Variants in STK32B observed in about 807,000 individuals in gnomAD.
The protein encoded by STK32B is serine/threonine kinase 32B.
STK32B carries 43 observed loss-of-function variants against 52.6 expected under a neutral mutation model. That is an observed-to-expected ratio of 0.82 (90% CI 0.64 to 1.05). The LOEUF is 1.05. Ranked by LOEUF, STK32B falls within the 50% of genes least tolerant of loss-of-function variation. The pLI is 0.00. For missense variants in STK32B, 621 were observed against 534.6 expected (o/e 1.16, Z -1.59); for synonymous variants, 238 against 204.3 (o/e 1.17, Z -1.41).
chr4:5,159,541 G>GTA (rs1491489118), intron 2 of STK32B, among the ~76,000 whole-genome samples: 2 of 109,538 alleles, frequency 1.8e-5, no homozygotes, highest in Admixed American at 1.9e-4. Flanking sequence ...ATGTATATAT[G>GTA]TATATATATG....
chr4:5,243,771 G>A (rs1196858848), intron 3 of STK32B, among the ~76,000 whole-genome samples: 2 of 152,060 alleles, frequency 1.3e-5, no homozygotes, highest in Admixed American at 1.3e-4. Flanking sequence ...CTAATTTATT[G>A]AGAGTTTTTA....
intron 3 of STK32B, among the ~76,000 whole-genome samples, chr4:5,269,142 T>G (rs1727249289): frequency 6.6e-6 from 1 of 152,054 alleles, no homozygotes; most frequent in Non-Finnish European, 1.5e-5. Flanking sequence ...CCTCGAGAGA[T>G]ATGAAGAGGG....
chr4:5,108,391 C>T (rs1382877549), intron 1 of STK32B, among the ~76,000 whole-genome samples: 1 of 152,132 alleles, frequency 6.6e-6, no homozygotes, highest in East Asian at 1.9e-4. Context: ...ATTGCCAGGT[C>T]ACGTGTAAAT....
chr4:5,175,470 G>T (rs1719786768), intron 3 of STK32B, among the ~76,000 whole-genome samples: 2 of 152,178 alleles, frequency 1.3e-5, no homozygotes. Flanking sequence ...GTGATGTACA[G>T]ATGGGTTTTT....
intron 3 of STK32B, among the ~76,000 whole-genome samples, chr4:5,234,958 G>A (rs1225415884): frequency 1.3e-5 from 2 of 152,162 alleles, no homozygotes; most frequent in Non-Finnish European, 2.9e-5. Context: ...AGGAAAGGAG[G>A]TGCCCTTCCT....
chr4:5,279,447 C>T (rs1431869663), intron 3 of STK32B, among the ~76,000 whole-genome samples: 1 of 117,586 alleles, frequency 8.5e-6, no homozygotes, highest in Non-Finnish European at 1.5e-5. Flanking sequence ...TTTTGAGCAG[C>T]CTCTGGCTCT....
intron 3 of STK32B, among the ~76,000 whole-genome samples, chr4:5,256,712 T>C (rs34512925): frequency 0.12 from 18,765 of 152,200 alleles, 3,184 homozygotes; most frequent in African/African-American, 0.38. Flanking sequence ...TGAGTATCTC[T>C]CTGTGTGTTC....
At chr4:5,247,507 C>T (rs1483131531) in intron 3 of STK32B, among the ~76,000 whole-genome samples, 1 of 152,198 alleles carries the variant, frequency 6.6e-6, no homozygotes, top group African/African-American at 2.4e-5. Context: ...AATTCCCTGA[C>T]CCCTTGCACT....
At position 5,176,258 on chromosome 4, in the gene STK32B, C is replaced by T. The variant is rs560335808; in HGVS notation, c.260+7808C>T. 4.6e-5 allele frequency among the ~76,000 whole-genome samples: 7 copies of T among 152,194 alleles called. No individual in the cohort carries two copies. In the South Asian group the frequency reaches 8.3e-4, roughly 18 times the overall value. Reference sequence around the variant, plus strand: ...GACCCGTTGCACTTCCCAGGTGAGGCGATGCCTCGCCCTGCTTTGGTTCAC... The same window carrying T: ...GACCCGTTGCACTTCCCAGGTGAGGTGATGCCTCGCCCTGCTTTGGTTCAC... On this transcript the variant is annotated intron_variant, in intron 3 of 11. Transcript: ENST00000282908.
At chr4:5,251,494 G>A (rs1725925467) in intron 3 of STK32B, among the ~76,000 whole-genome samples, 1 of 152,112 alleles carries the variant, frequency 6.6e-6, no homozygotes, top group African/African-American at 2.4e-5. Context: ...CTTTAGTATA[G>A]TTTGAAGTCA....
At chr4:5,123,633 G>A (rs879211284) in intron 1 of STK32B, among the ~76,000 whole-genome samples, 4 of 152,052 alleles carry the variant, frequency 2.6e-5, no homozygotes, top group African/African-American at 9.7e-5. Flanking sequence ...TGTCCTCCAC[G>A]TGGCCACCCT....
At chr4:5,228,962 C>T (rs34200011) in intron 3 of STK32B, among the ~76,000 whole-genome samples, 8,287 of 151,780 alleles carry the variant, frequency 0.055, 305 homozygotes, top group South Asian at 0.12. Flanking sequence ...TGCGAAACTC[C>T]GTCTCAAAAG....
intron 1 of STK32B, among the ~76,000 whole-genome samples, chr4:5,071,891 C>G (rs771420447): frequency 6.6e-6 from 1 of 152,066 alleles, no homozygotes; most frequent in African/African-American, 2.4e-5. Flanking sequence ...AGAAACAAAA[C>G]TATAATTGAG....
chr4:5,247,183 G>A (rs559626221), intron 3 of STK32B, among the ~76,000 whole-genome samples: 19 of 152,230 alleles, frequency 1.2e-4, no homozygotes, highest in Non-Finnish European at 2.6e-4. Flanking sequence ...GGAGCCTACA[G>A]AGGCAGGCAG....
Position 5,267,104 on chromosome 4 carries a change from A to G in STK32B, c.261-64116A>G, listed in dbSNP as rs995305266. Among the ~76,000 whole-genome samples, 104 of 135,530 alleles carry G rather than the reference A, an allele frequency of 7.7e-4. 1 individual carries two copies. Among genetic ancestry groups the G allele is most frequent in the African/African-American group, 2.8e-3 (101 of 35,466 alleles). 88.9% of individuals were successfully genotyped at this position (135,530 alleles called of 152,430 possible). ...GTGGCGTGCAATGCTTGGATGGAGG[A>G]CATTGTACTAAAAATGTGCATTGTT... On this transcript the variant is annotated intron_variant, in intron 3 of 11. Transcript: ENST00000282908.
At chr4:5,269,733 A>G (rs913404844) in intron 3 of STK32B, among the ~76,000 whole-genome samples, 2 of 152,218 alleles carry the variant, frequency 1.3e-5, no homozygotes, top group African/African-American at 4.8e-5. Flanking sequence ...ATAGAAAAAA[A>G]TTAGTGAACT....
chr4:5,392,415 G>A (rs956001166), intron 4 of STK32B, among the ~76,000 whole-genome samples: 3 of 152,094 alleles, frequency 2.0e-5, no homozygotes, highest in Non-Finnish European at 4.4e-5. Flanking sequence ...GACAAAGCGA[G>A]ACTCCATCTC....
intron 2 of STK32B, among the ~76,000 whole-genome samples, chr4:5,153,592 C>T (rs1326722268): frequency 6.6e-6 from 1 of 151,204 alleles, no homozygotes; most frequent in African/African-American, 2.4e-5. Flanking sequence ...CATACAAAAA[C>T]ATTTTATATA....
At chr4:5,495,156 T>C (rs1437425573) in intron 11 of STK32B, among the ~76,000 whole-genome samples, 1 of 152,228 alleles carries the variant, frequency 6.6e-6, no homozygotes, top group Non-Finnish European at 1.5e-5. Context: ...TCCTGGATAA[T>C]ATCCTGCAGA....
Sources: gnomAD v4.1 joint callset for allele counts (sites outside exome capture counted in the v4.1 genomes callset) on GRCh38, gnomAD v4.1.1 for gene constraint, MANE v1.5 for transcripts, NCBI Gene and HGNC (gene_info 2026-07-23, HGNC 2026-07-21) for gene names.